PSMC1: variants seen among roughly 807,000 people sequenced by gnomAD.
PSMC1 encodes proteasome 26S subunit, ATPase 1.
A neutral mutation model predicts 49.8 loss-of-function variants in PSMC1; 5 were observed. That is an observed-to-expected ratio of 0.10 (90% CI 0.05 to 0.21). The LOEUF is 0.21. Among genes scored for constraint, PSMC1 ranks in the 10% least tolerant of loss-of-function variants. The pLI, the probability that PSMC1 is intolerant of heterozygous loss-of-function variation, is 1.00. For missense variants in PSMC1, 181 were observed against 535.7 expected, an observed-to-expected ratio of 0.34 and a Z score of 6.54; for synonymous variants, 155 against 192.1, an observed-to-expected ratio of 0.81 and a Z score of 1.60.
Position 90,273,690 on chromosome 14 carries a change from A to C in PSMC1, c.*1283A>C, listed in dbSNP as rs1368246924. 6.5e-6 allele frequency: 1 copy of C among 153,798 alleles called. No individual in the cohort carries two copies. The highest frequency in any genetic ancestry group is 1.5e-5 in the Non-Finnish European group (1 of 68,232). 9.5% of individuals were successfully genotyped at this position (153,798 alleles called of 1,614,324 possible). A position where few individuals can be genotyped will look rare whatever the true frequency, so the allele number is the denominator to read the frequency against. On this transcript the variant is annotated 3_prime_UTR_variant, in exon 11 of 11. Transcript: ENST00000261303. ...TTCCCTCTGGCGTCTCTAAGGGAGAATCCGTTTCCTTGCTGAGGATTATTG... is the reference window on the plus strand; with the variant it reads ...TTCCCTCTGGCGTCTCTAAGGGAGACTCCGTTTCCTTGCTGAGGATTATTG...
intron 7 of PSMC1, among the ~76,000 whole-genome samples, chr14:90,265,708 G>T (rs1351731699): frequency 3.2e-4 from 38 of 120,182 alleles, no homozygotes; most frequent in African/African-American, 1.3e-3. Flanking sequence ...AAAAAAAAAA[G>T]ATTAGGTGGG....
At position 90,275,331 on chromosome 14, in the gene PSMC1, ACT is replaced by A. The variant is rs1236772518; in HGVS notation, c.*2928_*2929del. Reference sequence around the variant, plus strand: ...TGTCTGTATCGTGGGCGGGTAGCAGACTCTCAGCAACTGACTCACACGGTTCA... The same window carrying A: ...TGTCTGTATCGTGGGCGGGTAGCAGACTCAGCAACTGACTCACACGGTTCA... On this transcript the variant is annotated 3_prime_UTR_variant, in exon 11 of 11. Transcript: ENST00000261303. 2 of 151,748 alleles carry A rather than the reference ACT, an allele frequency of 1.3e-5. No individual in the cohort carries two copies. Among genetic ancestry groups the A allele is most frequent in the African/African-American group, 2.4e-5 (1 of 41,256 alleles). The allele number at this position is 151,748 out of a possible 1,614,324, so 9.4% of individuals were successfully genotyped here.
At chr14:90,258,699 CTAAG>C (rs1450994024) in intron 1 of PSMC1, among the ~76,000 whole-genome samples, 1 of 152,106 alleles carries the variant, frequency 6.6e-6, no homozygotes, top group Non-Finnish European at 1.5e-5. Context: ...TTGGTGTGAT[CTAAG>C]TAAGGGGTAA....
rs1006943370 is a variant in PSMC1, at chr14:90,263,574, A to T, written c.280-88A>T. ...GTATTATTAGCTGCCTTTTACAAGC[A>T]TCGGCTGCTTTGTAAATCTAGCGAA... On this transcript the variant is annotated intron_variant, in intron 4 of 10. Coordinates refer to ENST00000261303, the MANE Select transcript of PSMC1 (RefSeq NM_002802.3). 2.1e-5 allele frequency: 32 copies of T among 1,505,042 alleles called. No homozygotes were observed. In the South Asian group the frequency reaches 3.6e-4, roughly 17 times the overall value. The allele number at this position is 1,505,042 out of a possible 1,614,324, so 93.2% of individuals were successfully genotyped here. A position where few individuals can be genotyped will look rare whatever the true frequency, so the allele number is the denominator to read the frequency against.
At chr14:90,259,272 C>T (rs1286058175) in intron 2 of PSMC1, 59 bp downstream of exon 2, 4 of 1,533,204 alleles carry the variant, frequency 2.6e-6, no homozygotes, top group South Asian at 2.3e-5. Flanking sequence ...TCATGGGTCT[C>T]GGCTGAGAAG....
intron 7 of PSMC1, 31 bp from the exon 8 acceptor site, chr14:90,268,189 GTCTT>G: frequency 1.5e-6 from 2 of 1,346,602 alleles, no homozygotes; most frequent in Middle Eastern, 2.5e-4. Context: ...CACTTAAGGT[GTCTT>G]TTTTTTTTTT....
At chr14:90,264,301 T>TGTGGG in intron 6 of PSMC1, 132 bp downstream of exon 6, 1 of 1,298,384 alleles carries the variant, frequency 7.7e-7, no homozygotes, top group Non-Finnish European at 1.0e-6. Context: ...GCTTGCCAGT[T>TGTGGG]GTGGTATTTT....
chr14:90,262,872 A>G (rs1173657683), intron 3 of PSMC1, among the ~76,000 whole-genome samples: 5 of 152,130 alleles, frequency 3.3e-5, no homozygotes, highest in African/African-American at 7.2e-5. Flanking sequence ...AATATTTGCC[A>G]TATATGTGAT....
Position 90,272,218 on chromosome 14 carries a change from T to G in PSMC1, c.1189-55T>G. ...CTCAGAATAGGTTTTTTGGAATTCC[T>G]TGTTAGAATAAAAATGAGTATGTCA... On this transcript the variant is annotated intron_variant, in intron 10 of 10. Coordinates refer to ENST00000261303, the MANE Select transcript of PSMC1 (RefSeq NM_002802.3). The surrounding 1 kb of genome is among the most constrained non-coding windows in gnomAD (Gnocchi z 4.5). 6.3e-7 allele frequency: 1 copy of G among 1,588,752 alleles called. No individual in the cohort carries two copies.
intron 3 of PSMC1, 102 bp from the exon 4 acceptor site, chr14:90,263,216 C>A: frequency 1.6e-6 from 2 of 1,230,074 alleles, no homozygotes; most frequent in Non-Finnish European, 2.3e-6. Context: ...TTTTCTGAAG[C>A]TATCGCCAAC....
chr14:90,260,769 T>A (rs1891383218), intron 3 of PSMC1, among the ~76,000 whole-genome samples: 1 of 152,144 alleles, frequency 6.6e-6, no homozygotes, highest in Non-Finnish European at 1.5e-5. Context: ...CCATTTTTCT[T>A]TAACTGGCTC....
chr14:90,272,414 A>C lies in PSMC1; in HGVS notation c.*7A>C. Reference sequence around the variant, plus strand: ...TGAGGGGCTGTATCTCTAATGAACCATGGCTGTCATCAGGAAAATGGTTGG... The same window carrying C: ...TGAGGGGCTGTATCTCTAATGAACCCTGGCTGTCATCAGGAAAATGGTTGG... On this transcript the variant is annotated 3_prime_UTR_variant, in exon 11 of 11. Coordinates refer to ENST00000261303, the MANE Select transcript of PSMC1 (RefSeq NM_002802.3). The surrounding 1 kb of genome is among the most constrained non-coding windows in gnomAD (Gnocchi z 4.5). The C allele has an allele frequency of 1.3e-6, 2 of 1,536,816 alleles. No homozygotes were observed. Among genetic ancestry groups the C allele is most frequent in the Non-Finnish European group, 1.8e-6 (2 of 1,137,074 alleles).
rs1891769872 is a variant in PSMC1 at position 90,274,872 on chromosome 14, TGAGG to T, written c.*2466_*2469del. On this transcript the variant is annotated 3_prime_UTR_variant, in exon 11 of 11. Coordinates refer to ENST00000261303, the MANE Select transcript of PSMC1 (RefSeq NM_002802.3). ...CATATGAATTGATCTGAAAGTTTGCTGAGGAAGGGGTATTTACAGATTTTGAGAG... is the reference window on the plus strand; with the variant it reads ...CATATGAATTGATCTGAAAGTTTGCTAAGGGGTATTTACAGATTTTGAGAG... The T allele has an allele frequency of 6.7e-6, 1 of 149,422 alleles. No homozygotes were observed. Among genetic ancestry groups the T allele is most frequent in the African/African-American group, 2.5e-5 (1 of 40,428 alleles). 9.3% of individuals were successfully genotyped at this position (149,422 alleles called of 1,614,324 possible).
chr14:90,274,763 A>C lies in PSMC1; in HGVS notation c.*2356A>C, dbSNP rs1011358444. On this transcript the variant is annotated 3_prime_UTR_variant, in exon 11 of 11. Transcript: ENST00000261303. ...CAAACAGTTACTATTAATGGAATACAGTATAGCCCTTTAAATAGGGAACTA... is the reference window on the plus strand; with the variant it reads ...CAAACAGTTACTATTAATGGAATACCGTATAGCCCTTTAAATAGGGAACTA... 6.7e-6 allele frequency: 1 copy of C among 148,680 alleles called. No individual in the cohort carries two copies. The highest frequency in any genetic ancestry group is 2.5e-5 in the African/African-American group (1 of 40,188). 9.2% of individuals were successfully genotyped at this position (148,680 alleles called of 1,614,324 possible).
chr14:90,258,266 T>G (rs1891333934), intron 1 of PSMC1, among the ~76,000 whole-genome samples: 1 of 152,184 alleles, frequency 6.6e-6, no homozygotes, highest in African/African-American at 2.4e-5. Context: ...GGGATAATAC[T>G]TGGAGAATGT....
intron 3 of PSMC1, among the ~76,000 whole-genome samples, chr14:90,260,993 A>G (rs1027352164): frequency 2.0e-5 from 3 of 152,234 alleles, no homozygotes; most frequent in African/African-American, 7.2e-5. Flanking sequence ...ATGCCACTGT[A>G]TTGAAATTCA....
intron 10 of PSMC1, chr14:90,270,982 C>T (rs1376814086): frequency 6.6e-6 from 1 of 152,176 alleles, no homozygotes; most frequent in Non-Finnish European, 1.5e-5. Context: ...GGATCATTGG[C>T]AGTTAGTCCT....
chr14:90,259,286 T>C, intron 2 of PSMC1, 73 bp downstream of exon 2: 1 of 1,412,352 alleles, frequency 7.1e-7, no homozygotes, highest in Non-Finnish European at 9.9e-7. Context: ...TGAGAAGTTC[T>C]GTGGGGATTC....
intron 1 of PSMC1, among the ~76,000 whole-genome samples, chr14:90,257,962 T>C (rs967845547): frequency 2.5e-4 from 38 of 152,362 alleles, no homozygotes; most frequent in African/African-American, 9.1e-4. Flanking sequence ...CATTTTCTCA[T>C]TTATTACAAC....
Sources: allele counts gnomAD v4.1 joint callset (sites outside exome capture counted in the v4.1 genomes callset), GRCh38; gene constraint gnomAD v4.1.1; non-coding constraint Gnocchi (gnomAD v3.1); transcripts MANE v1.5; gene names NCBI Gene and HGNC (gene_info 2026-07-23, HGNC 2026-07-21).